BDP1: variants seen among roughly 807,000 people sequenced by gnomAD.
The protein encoded by BDP1 is transcription factor TFIIIB component B'' homolog.
In BDP1, 169 loss-of-function variants were observed where a neutral mutation model predicts 266.6. The observed-to-expected ratio is 0.63, with a 90% CI of 0.56 to 0.72. The LOEUF (loss-of-function observed/expected upper bound fraction) is 0.72. BDP1 is among the 30% of genes least tolerant of loss of function. The probability of loss-of-function intolerance (pLI) is 0.00; values close to 1 mark genes in which losing one functional copy is unlikely to be tolerated. For missense variants in BDP1, 3,015 were observed against 3,053.8 expected, an observed-to-expected ratio of 0.99 and a Z score of 0.30; for synonymous variants, 1,090 against 1,022.4, an observed-to-expected ratio of 1.07 and a Z score of -1.26.
intron 36 of BDP1, among the ~76,000 whole-genome samples, chr5:71,559,224 G>A (rs901935911): frequency 3.9e-5 from 6 of 152,190 alleles, no homozygotes; most frequent in African/African-American, 1.4e-4. Flanking sequence ...AACTTTGACT[G>A]TGAAACTGTA....
At chr5:71,536,543 A>G (rs969185834) in intron 26 of BDP1, among the ~76,000 whole-genome samples, 2 of 152,232 alleles carry the variant, frequency 1.3e-5, no homozygotes, top group African/African-American at 4.8e-5. Context: ...AATTCTGCTA[A>G]AAAACAACAT....
chr5:71,536,564 G>A (rs772720964), intron 26 of BDP1, among the ~76,000 whole-genome samples: 3 of 152,302 alleles, frequency 2.0e-5, no homozygotes, highest in South Asian at 2.1e-4. Flanking sequence ...GGGCCCAGGC[G>A]CGGTGGCTCA....
At chr5:71,563,994 T>TA (rs970011267) in intron 38 of BDP1, among the ~76,000 whole-genome samples, 1 of 152,222 alleles carries the variant, frequency 6.6e-6, no homozygotes, top group South Asian at 2.1e-4. Context: ...TAGAGTTTTT[T>TA]AAAAAATACT....
rs751700801 is a variant in BDP1 at position 71,553,277 on chromosome 5, G to T, written c.7157G>T (p.Arg2386Leu). Reference protein sequence around the residue: ...KNDHIPPAKKRSLTLRDDCQE... With the variant: ...KNDHIPPAKKLSLTLRDDCQE... Reference sequence around the variant, plus strand: ...GACCACATTCCTCCTGCCAAAAAACGTTCACTCACTTTAAGAGATGACTGT... The same window carrying T: ...GACCACATTCCTCCTGCCAAAAAACTTTCACTCACTTTAAGAGATGACTGT... The change falls in exon 35 of 39, where the codon CGT becomes CTT. Residue 2386 changes from arginine to leucine, a missense_variant. Coordinates refer to ENST00000358731, the MANE Select transcript of BDP1 (RefSeq NM_018429.3). 2 of 1,612,994 alleles carry T rather than the reference G, an allele frequency of 1.2e-6. No homozygotes were observed. Among genetic ancestry groups the T allele is most frequent in the Non-Finnish European group, 8.5e-7 (1 of 1,179,918 alleles).
At chr5:71,535,371 A>C (rs1766530792) in intron 26 of BDP1, among the ~76,000 whole-genome samples, 1 of 151,824 alleles carries the variant, frequency 6.6e-6, no homozygotes, top group Admixed American at 6.6e-5. Context: ...CATCCAACTA[A>C]TTTTTGTATT....
chr5:71,558,481 C>G (rs185203418), intron 36 of BDP1, among the ~76,000 whole-genome samples: 8 of 152,044 alleles, frequency 5.3e-5, no homozygotes, highest in African/African-American at 1.7e-4. Context: ...GAGATCACGC[C>G]ATTGCACGCC....
intron 7 of BDP1, among the ~76,000 whole-genome samples, chr5:71,480,817 G>T (rs1259454444): frequency 6.6e-6 from 1 of 152,146 alleles, no homozygotes; most frequent in Non-Finnish European, 1.5e-5. Flanking sequence ...ACTCACCTCA[G>T]CCTCCCACAG....
chr5:71,500,784 T>C (rs998580791), intron 13 of BDP1, among the ~76,000 whole-genome samples: 3 of 151,846 alleles, frequency 2.0e-5, no homozygotes, highest in African/African-American at 2.4e-5. Context: ...AAATATTTAG[T>C]GTGATTCCAT....
At position 71,455,719 on chromosome 5, in the gene BDP1, A is replaced by T; in HGVS notation, c.-159A>T. 1.6e-6 allele frequency: 1 copy of T among 634,830 alleles called. No individual in the cohort carries two copies. 39.3% of individuals were successfully genotyped at this position (634,830 alleles called of 1,614,324 possible). On this transcript the variant is annotated 5_prime_UTR_variant, in exon 1 of 39. Coordinates refer to ENST00000358731, the MANE Select transcript of BDP1 (RefSeq NM_018429.3). ...AGCGGCGGCGGCGGGAGAGAGGAGG[A>T]GGCGGCGGCGGGGCAGTGAAACTAC...
the BDP1 span, among the ~76,000 whole-genome samples, chr5:71,573,238 AAAAG>A: frequency 0.42 from 61,157 of 145,926 alleles, 12,846 homozygotes; most frequent in South Asian, 0.53. Flanking sequence ...AAAAAAAAAA[AAAAG>A]AAAGAAAAGA....
At chr5:71,514,672 G>T (rs1011808517) in intron 19 of BDP1, among the ~76,000 whole-genome samples, 99 of 152,082 alleles carry the variant, frequency 6.5e-4, no homozygotes, top group African/African-American at 2.3e-3. Context: ...ATCCCCTAAT[G>T]ATATATCTGT....
Position 71,552,834 on chromosome 5 carries a change from GGGGAGA to G in BDP1, c.6996-266_6996-261del, listed in dbSNP as rs141762932. Among the ~76,000 whole-genome samples the G allele has an allele frequency of 0.012, 1,798 of 152,124 alleles. 41 individuals carry two copies. The highest frequency in any genetic ancestry group is 0.041 in the African/African-American group (1,694 of 41,500). ...GGAAAGAGAGGGAGAGGGAGACCAT[GGGGAGA>G]GGGAGAGGGAGAGGGTAATATTCAG... On this transcript the variant is annotated intron_variant, in intron 34 of 38. Transcript: ENST00000358731.
At chr5:71,489,202 A>G (rs72759427) in intron 9 of BDP1, among the ~76,000 whole-genome samples, 3,374 of 152,264 alleles carry the variant, frequency 0.022, 53 homozygotes, top group Non-Finnish European at 0.036. Flanking sequence ...ATGACTACAT[A>G]TAATCTTACC....
In BDP1 at chr5:71,565,843, A is replaced by G. The variant is rs1392737604; in HGVS notation, c.*958A>G. On this transcript the variant is annotated 3_prime_UTR_variant, in exon 39 of 39. Transcript: ENST00000358731. ...ATATTTTTCTAATTCATGGTGATGT[A>G]ACATTAGTCCTAATTGAAAAACTAG... The G allele has an allele frequency of 6.5e-6, 1 of 152,790 alleles. No individual in the cohort carries two copies. Among genetic ancestry groups the G allele is most frequent in the East Asian group, 1.9e-4 (1 of 5,206 alleles). The allele number at this position is 152,790 out of a possible 1,614,324, so 9.5% of individuals were successfully genotyped here.
At chr5:71,474,689 A>G (rs926081102) in intron 7 of BDP1, among the ~76,000 whole-genome samples, 5 of 151,852 alleles carry the variant, frequency 3.3e-5, no homozygotes, top group African/African-American at 1.2e-4. Context: ...TCCTATTAAA[A>G]TACAAAAATT....
At chr5:71,502,461 A>G (rs545236249) in intron 14 of BDP1, 138 bp from the exon 15 acceptor site, 3 of 757,518 alleles carry the variant, frequency 4.0e-6, no homozygotes, top group East Asian at 2.7e-5. Flanking sequence ...GGTGCGAGCC[A>G]CTGCGCCCGG....
At chr5:71,480,277 ATTTTTTTTTT>A (rs552593030) in intron 7 of BDP1, among the ~76,000 whole-genome samples, 8 of 105,008 alleles carry the variant, frequency 7.6e-5, no homozygotes, top group East Asian at 3.1e-4. Flanking sequence ...TGCCCAGCTA[ATTTTTTTTTT>A]TTTTTTTTTT....
At position 71,458,792 on chromosome 5, in the gene BDP1, A is replaced by T. The variant is rs1413848305; in HGVS notation, c.426A>T (p.Arg142Ser). ...STKEKQPCSD[R>S]YRIYKAQKLR... is the part of the protein sequence containing the mutation. ...AAGAGAAACAGCCATGCTCAGACAGATACCGAATATACAAAGCCCAGAAAC... is the reference window on the plus strand; with the variant it reads ...AAGAGAAACAGCCATGCTCAGACAGTTACCGAATATACAAAGCCCAGAAAC... The change falls in exon 2 of 39, where the codon AGA becomes AGT. Residue 142 changes from arginine (R) to serine (S), a missense_variant. Arg to Ser is a moderately radical substitution (Grantham distance 110, BLOSUM62 -1). Transcript: ENST00000358731. 2.5e-6 allele frequency: 4 copies of T among 1,614,058 alleles called. No individual in the cohort carries two copies. In the African/African-American group the frequency reaches 4.0e-5, roughly 16 times the overall value.
chr5:71,526,714 G>T (rs1291379144), intron 25 of BDP1, among the ~76,000 whole-genome samples: 23 of 146,742 alleles, frequency 1.6e-4, no homozygotes, highest in Admixed American at 2.7e-4. Context: ...TAAAGACGGG[G>T]TCTCAGTCTG....
Sources: allele counts gnomAD v4.1 joint callset (sites outside exome capture counted in the v4.1 genomes callset), GRCh38; gene constraint gnomAD v4.1.1; transcripts MANE v1.5; gene names NCBI Gene and HGNC (gene_info 2026-07-23, HGNC 2026-07-21).